SOX6: variants seen among roughly 807,000 people sequenced by gnomAD.
SOX6 encodes the protein transcription factor SOX-6.
SOX6 carries 11 observed loss-of-function variants against 97.8 expected under a neutral mutation model. The ratio of observed to expected loss-of-function variants is 0.11; its 90% CI spans 0.07 to 0.19. SOX6 has a LOEUF of 0.19. SOX6 is among the 10% of genes least tolerant of loss of function. The pLI is 1.00. For synonymous variants in SOX6, 360 were observed against 371.4 expected, an observed-to-expected ratio of 0.97 and a Z score of 0.35; for missense variants, 810 against 1,039.5, an observed-to-expected ratio of 0.78 and a Z score of 3.04.
chr11:16,341,288 G>T, intron 1 of SOX6, 36 bp from the exon 2 acceptor site: 1 of 1,608,860 alleles, frequency 6.2e-7, no homozygotes, highest in Non-Finnish European at 8.5e-7. Flanking sequence ...AAAAATGGCT[G>T]TCAATAACAA....
chr11:16,321,455 G>A (rs1281659750), intron 2 of SOX6, among the ~76,000 whole-genome samples: 1 of 152,074 alleles, frequency 6.6e-6, no homozygotes, highest in Non-Finnish European at 1.5e-5. Context: ...AGATTGTCCT[G>A]AGAGCATTTA....
chr11:16,637,132 CCTTA>C (rs1308560687), intron 3 of SOX6, among the ~76,000 whole-genome samples: 1 of 152,006 alleles, frequency 6.6e-6, no homozygotes, highest in Non-Finnish European at 1.5e-5. Context: ...ACTGTTTCTT[CCTTA>C]CTTTCCCATT....
intron 4 of SOX6, among the ~76,000 whole-genome samples, chr11:16,524,251 C>A (rs1861118916): frequency 6.6e-6 from 1 of 151,752 alleles, no homozygotes; most frequent in South Asian, 2.1e-4. Flanking sequence ...CAAACCGAAT[C>A]CAGCAGCACA....
At chr11:16,549,544 A>G (rs1156854898) in intron 4 of SOX6, among the ~76,000 whole-genome samples, 2 of 152,210 alleles carry the variant, frequency 1.3e-5, no homozygotes, top group Non-Finnish European at 2.9e-5. Flanking sequence ...CTTCTTTGGC[A>G]GTTTCTTGTA....
At chr11:16,289,862 A>G (rs1427750841) in intron 3 of SOX6, among the ~76,000 whole-genome samples, 1 of 152,004 alleles carries the variant, frequency 6.6e-6, no homozygotes, top group East Asian at 1.9e-4. Context: ...ACCAATACTC[A>G]TCTTCAAGAA....
At chr11:16,288,819 AT>A (rs1854825916) in intron 3 of SOX6, among the ~76,000 whole-genome samples, 1 of 150,610 alleles carries the variant, frequency 6.6e-6, no homozygotes, top group Non-Finnish European at 1.5e-5. Context: ...TCCAGAACAC[AT>A]TCAGAGATCT....
chr11:16,214,714 T>C (rs963836925), intron 4 of SOX6, among the ~76,000 whole-genome samples: 1 of 151,986 alleles, frequency 6.6e-6, no homozygotes, highest in Non-Finnish European at 1.5e-5. Context: ...GGGTCTGATT[T>C]CTCTTGGCTT....
chr11:16,222,289 T>C (rs772601347), intron 4 of SOX6, among the ~76,000 whole-genome samples: 11 of 152,188 alleles, frequency 7.2e-5, no homozygotes, highest in Middle Eastern at 3.2e-3. Context: ...GATAGCTCAC[T>C]GTAGCCCTGA....
intron 6 of SOX6, among the ~76,000 whole-genome samples, chr11:16,137,053 G>A (rs1278787523): frequency 1.3e-5 from 2 of 152,188 alleles, no homozygotes; most frequent in African/African-American, 2.4e-5. Flanking sequence ...TGCCTTGGAA[G>A]ATAAAAATAA....
At chr11:16,095,881 A>T in intron 9 of SOX6, 115 bp downstream of exon 9, 1 of 1,191,706 alleles carries the variant, frequency 8.4e-7, no homozygotes, top group Non-Finnish European at 1.2e-6. Context: ...GGGAAAGATT[A>T]AGTTCAGTGT....
At chr11:15,973,231 A>T in intron 15 of SOX6, 119 bp from the exon 16 acceptor site, 1 of 978,146 alleles carries the variant, frequency 1.0e-6, no homozygotes, top group East Asian at 2.6e-5. Flanking sequence ...ATGTTAAATA[A>T]CATTCTAAGC....
intron 3 of SOX6, among the ~76,000 whole-genome samples, chr11:16,246,244 C>G (rs1186755715): frequency 6.6e-6 from 1 of 151,528 alleles, no homozygotes; most frequent in Admixed American, 6.6e-5. Flanking sequence ...CCTCATTATA[C>G]ATGGTTATTG....
intron 6 of SOX6, among the ~76,000 whole-genome samples, chr11:16,176,371 C>G (rs1851186240): frequency 6.6e-6 from 1 of 151,846 alleles, no homozygotes; most frequent in South Asian, 2.1e-4. Flanking sequence ...TTGAGAACCA[C>G]TAGCATGGAA....
intron 4 of SOX6, among the ~76,000 whole-genome samples, chr11:16,592,170 G>A (rs889128466): frequency 1.2e-4 from 18 of 151,642 alleles, no homozygotes; most frequent in African/African-American, 3.6e-4. Context: ...TGCTAAGGGC[G>A]TGCTCTATCC....
Position 16,245,993 on chromosome 11 carries a change from T to G in SOX6, c.446-11322A>C, listed in dbSNP as rs148705486. Among the ~76,000 whole-genome samples, 41 of 151,564 alleles carry G rather than the reference T, an allele frequency of 2.7e-4. No homozygotes were observed. The East Asian group carries it at 7.2e-3, about 27-fold the overall frequency. ...AATTTGTCCTTTGTTCCTTTGTTCC[T>G]CTTTTCTTGGCTTTTTAATTATTAT... On this transcript the variant is annotated intron_variant, in intron 3 of 15. Coordinates refer to ENST00000683767, the MANE Select transcript of SOX6 (RefSeq NM_001367873.1).
chr11:16,284,379 G>C (rs1410465147), intron 3 of SOX6, among the ~76,000 whole-genome samples: 1 of 152,018 alleles, frequency 6.6e-6, no homozygotes, highest in African/African-American at 2.4e-5. Context: ...AGTAAACCTA[G>C]TTTTACTGTA....
intron 3 of SOX6, among the ~76,000 whole-genome samples, chr11:16,258,096 G>T (rs1322192320): frequency 6.6e-6 from 1 of 151,906 alleles, no homozygotes. Flanking sequence ...CAGCAGGAAC[G>T]CTCATTCATT....
intron 2 of SOX6, among the ~76,000 whole-genome samples, chr11:16,735,324 T>C (rs1590069523): frequency 6.6e-6 from 1 of 152,190 alleles, no homozygotes; most frequent in Non-Finnish European, 1.5e-5. Flanking sequence ...ACTGAATATA[T>C]GCCCCATCCT....
intron 13 of SOX6, among the ~76,000 whole-genome samples, chr11:15,990,149 A>T (rs1431494315): frequency 1.3e-5 from 2 of 152,042 alleles, no homozygotes; most frequent in Non-Finnish European, 2.9e-5. Context: ...TGTTTATGTG[A>T]CTATCTCCCT....
Sources: allele counts gnomAD v4.1 joint callset (sites outside exome capture counted in the v4.1 genomes callset), GRCh38; gene constraint gnomAD v4.1.1; transcripts MANE v1.5; gene names NCBI Gene and HGNC (gene_info 2026-07-23, HGNC 2026-07-21).